Variants in ANO3 observed in about 807,000 individuals in gnomAD.
ANO3 encodes anoctamin-3.
A neutral mutation model predicts 144.8 loss-of-function variants in ANO3; 99 were observed. The ratio of observed to expected loss-of-function variants is 0.68; its 90% CI spans 0.58 to 0.81. The LOEUF (loss-of-function observed/expected upper bound fraction) is 0.81, where lower values mean the gene tolerates loss of function less well. Among genes scored for constraint, ANO3 ranks in the 30% least tolerant of loss-of-function variants. The pLI, the probability that ANO3 is intolerant of heterozygous loss-of-function variation, is 0.00. For synonymous variants in ANO3, 414 were observed against 392.6 expected, an observed-to-expected ratio of 1.05 and a Z score of -0.64; for missense variants, 905 against 1,202.2, an observed-to-expected ratio of 0.75 and a Z score of 3.66.
chr11:26,624,417 C>T, intron 17 of ANO3, 45 bp from the exon 18 acceptor site: 1 of 1,439,750 alleles, frequency 6.9e-7, no homozygotes, highest in Non-Finnish European at 9.7e-7. Context: ...CAGCCTTTTC[C>T]AAAAGAGAGG....
chr11:26,222,875 C>T (rs991972381), intron 1 of ANO3, among the ~76,000 whole-genome samples: 2 of 152,166 alleles, frequency 1.3e-5, no homozygotes, highest in Non-Finnish European at 2.9e-5. Context: ...GCATTCTTTC[C>T]TCCTAGGCCT....
intron 1 of ANO3, among the ~76,000 whole-genome samples, chr11:26,310,284 C>T (rs1023112477): frequency 1.3e-5 from 2 of 152,112 alleles, no homozygotes; most frequent in African/African-American, 2.4e-5. Context: ...TTTTGAGGCC[C>T]GCTTTTCAAG....
At chr11:26,466,208 A>AT (rs1221614874) in intron 4 of ANO3, among the ~76,000 whole-genome samples, 3 of 152,020 alleles carry the variant, frequency 2.0e-5, no homozygotes, top group African/African-American at 7.2e-5. Context: ...AGACATGCAT[A>AT]TCAATTGGGA....
chr11:26,371,163 G>C (rs1856243104), intron 1 of ANO3, among the ~76,000 whole-genome samples: 1 of 152,168 alleles, frequency 6.6e-6, no homozygotes, highest in East Asian at 1.9e-4. Context: ...CTCAGGACAT[G>C]GTGCCCTGTA....
intron 14 of ANO3, among the ~76,000 whole-genome samples, chr11:26,590,548 G>C (rs113569027): frequency 0.16 from 23,630 of 152,168 alleles, 2,106 homozygotes; most frequent in East Asian, 0.33. Context: ...TGGGGTTCTT[G>C]GCCTCACGGA....
intron 1 of ANO3, among the ~76,000 whole-genome samples, chr11:26,319,162 T>C (rs528348577): frequency 6.6e-6 from 1 of 151,912 alleles, no homozygotes; most frequent in African/African-American, 2.4e-5. Flanking sequence ...TTATTATTAT[T>C]ATCGTTATTA....
chr11:26,279,592 C>G (rs971384839), intron 1 of ANO3, among the ~76,000 whole-genome samples: 3 of 152,296 alleles, frequency 2.0e-5, no homozygotes, highest in African/African-American at 7.2e-5. Flanking sequence ...AGATATTTAA[C>G]ATCACTTGTC....
At chr11:26,254,211 CTAAAG>C (rs1374869253) in intron 1 of ANO3, among the ~76,000 whole-genome samples, 1 of 152,058 alleles carries the variant, frequency 6.6e-6, no homozygotes, top group Non-Finnish European at 1.5e-5. Flanking sequence ...AAATTGTGCA[CTAAAG>C]TAAAGACTAT....
rs193263327 is a variant in ANO3 at position 26,285,239 on chromosome 11, A to G, written c.155-24406A>G. Among the ~76,000 whole-genome samples, 9 of 152,316 alleles carry G rather than the reference A, an allele frequency of 5.9e-5. No individual in the cohort carries two copies. In the East Asian group the frequency reaches 1.4e-3, roughly 23 times the overall value. ...TGAAGTCTTAACCAAGAACTTTAGG[A>G]GTAAGAAAATATAGGAAGATAAAGA... On this transcript the variant is annotated intron_variant, in intron 1 of 27. Coordinates refer to the ANO3 transcript ENST00000672621.
chr11:26,597,207 A>G (rs1851658645), intron 14 of ANO3, among the ~76,000 whole-genome samples: 3 of 152,158 alleles, frequency 2.0e-5, no homozygotes, highest in African/African-American at 4.8e-5. Context: ...GCCACTCCCA[A>G]GATGGGGCGG....
chr11:26,336,224 A>G (rs6484203), intron 1 of ANO3, among the ~76,000 whole-genome samples: 138,479 of 152,182 alleles, frequency 0.91, 63,038 homozygotes, highest in East Asian at 1. Flanking sequence ...GGCAAGAGAA[A>G]GACAATGATA....
chr11:26,368,072 C>T (rs564511624), intron 1 of ANO3, among the ~76,000 whole-genome samples: 5 of 152,290 alleles, frequency 3.3e-5, no homozygotes, highest in African/African-American at 9.6e-5. Flanking sequence ...GTATCACTCC[C>T]CTATGCATAC....
At chr11:26,205,231 G>C (rs1248229677) in intron 1 of ANO3, among the ~76,000 whole-genome samples, 1 of 152,112 alleles carries the variant, frequency 6.6e-6, no homozygotes, top group Non-Finnish European at 1.5e-5. Flanking sequence ...ACACAGAGCC[G>C]AACCATACTG....
intron 18 of ANO3, among the ~76,000 whole-genome samples, chr11:26,629,508 C>T (rs1852702556): frequency 6.6e-6 from 1 of 152,126 alleles, no homozygotes. Flanking sequence ...CAAAGTTTGG[C>T]ATGCGTTCAT....
rs1295215084 is a variant in ANO3 at position 26,235,995 on chromosome 11, A to G, written c.154+46665A>G. 2.6e-5 allele frequency among the ~76,000 whole-genome samples: 4 copies of G among 152,120 alleles called. No individual in the cohort carries two copies. The East Asian group carries it at 5.8e-4, about 22-fold the overall frequency. Reference sequence around the variant, plus strand: ...TCTTTTTGCACAAATGAGCAAAAATATGTGTATATTCTTATTTTCCTTCCT... The same window carrying G: ...TCTTTTTGCACAAATGAGCAAAAATGTGTGTATATTCTTATTTTCCTTCCT... On this transcript the variant is annotated intron_variant, in intron 1 of 27. Coordinates refer to the ANO3 transcript ENST00000672621.
At chr11:26,451,916 A>G (rs1565032975) in intron 3 of ANO3, among the ~76,000 whole-genome samples, 3 of 152,180 alleles carry the variant, frequency 2.0e-5, no homozygotes, top group Admixed American at 6.5e-5. Context: ...AGACAGCAGC[A>G]TTCGCGGTTC....
At chr11:26,287,413 T>C (rs1323624548) in intron 1 of ANO3, 1 of 152,150 alleles carries the variant, frequency 6.6e-6, no homozygotes, top group African/African-American at 2.4e-5. Flanking sequence ...CAGATGACAA[T>C]ATCCATTTTA....
rs545881610 is a variant in ANO3 at position 26,456,303 on chromosome 11, C to G, written c.314-6727C>G. Among the ~76,000 whole-genome samples the G allele has an allele frequency of 3.0e-4, 46 of 152,014 alleles. 1 individual carries two copies. The highest frequency in any genetic ancestry group is 2.2e-3 in the Admixed American group (33 of 15,258). On this transcript the variant is annotated intron_variant, in intron 3 of 26. Transcript: ENST00000256737. ...TGAACAGGCAACCTACAAAATGGGA[C>G]AAAATTTTCACAACCTCCTCATCTG...
At chr11:26,643,441 A>G in intron 23 of ANO3, 107 bp downstream of exon 23, 1 of 1,359,708 alleles carries the variant, frequency 7.4e-7, no homozygotes, top group Non-Finnish European at 1.0e-6. Flanking sequence ...CCAGTGTCAT[A>G]GTATTAAGAG....
Sources: gnomAD v4.1 joint callset for allele counts (sites outside exome capture counted in the v4.1 genomes callset) on GRCh38, gnomAD v4.1.1 for gene constraint, MANE v1.5 for transcripts, NCBI Gene and HGNC (gene_info 2026-07-23, HGNC 2026-07-21) for gene names.